Variants in PRRT1B observed in about 807,000 individuals in gnomAD.
The protein encoded by PRRT1B is dispanin subfamily D member 2.
At chr9:131,549,615 G>A (rs1011837398) in intron 1 of PRRT1B, among the ~76,000 whole-genome samples, 6 of 152,186 alleles carry the variant, frequency 3.9e-5, no homozygotes, top group Non-Finnish European at 7.4e-5. Flanking sequence ...GCTGAGCTTC[G>A]GGTAACTCTC....
exon 2 of PRRT1B, chr9:131,554,871 G>A (rs1429658081): frequency 2.6e-6 from 1 of 379,124 alleles, no homozygotes; most frequent in Non-Finnish European, 4.7e-6. Flanking sequence ...GGACCCCAAG[G>A]CCGCGCCGCT....
At chr9:131,550,818 T>G (rs1050001542) in intron 1 of PRRT1B, among the ~76,000 whole-genome samples, 1 of 152,152 alleles carries the variant, frequency 6.6e-6, no homozygotes, top group Non-Finnish European at 1.5e-5. Context: ...ATGCTGAACC[T>G]CCTTGGGCAC....
intron 1 of PRRT1B, among the ~76,000 whole-genome samples, chr9:131,550,452 C>T (rs1414219976): frequency 6.6e-6 from 1 of 152,164 alleles, no homozygotes; most frequent in Non-Finnish European, 1.5e-5. Flanking sequence ...ACAGACAGCC[C>T]CCATTACTTC....
intron 1 of PRRT1B, among the ~76,000 whole-genome samples, chr9:131,549,601 G>A (rs1039951433): frequency 2.0e-5 from 3 of 152,098 alleles, no homozygotes; most frequent in Non-Finnish European, 4.4e-5. Flanking sequence ...AGACCATCAC[G>A]GATGCTGAGC....
At chr9:131,547,586 C>T (rs1172112542) in intron 1 of PRRT1B, among the ~76,000 whole-genome samples, 1 of 152,216 alleles carries the variant, frequency 6.6e-6, no homozygotes. Context: ...TCACACAAAG[C>T]CTGTTTGGTG....
At chr9:131,548,230 T>C (rs1315532713) in intron 1 of PRRT1B, among the ~76,000 whole-genome samples, 1 of 151,764 alleles carries the variant, frequency 6.6e-6, no homozygotes, top group African/African-American at 2.4e-5. Context: ...TTCTCCACTT[T>C]CCTGGGGGGC....
downstream of PRRT1B, among the ~76,000 whole-genome samples, chr9:131,559,012 C>T (rs1951068514): frequency 2.0e-5 from 3 of 152,316 alleles, no homozygotes; most frequent in Middle Eastern, 3.4e-3. Flanking sequence ...TGAGGACCGC[C>T]CTGACTGGGG....
chr9:131,556,287 C>T (rs978749350), intron 3 of PRRT1B, 74 bp downstream of exon 3: 5 of 399,620 alleles, frequency 1.3e-5, no homozygotes, highest in Non-Finnish European at 2.2e-5. Flanking sequence ...GTCCACAGAG[C>T]CCCTCTTCCA....
At chr9:131,557,828 C>T (rs942769664) in intron 3 of PRRT1B, among the ~76,000 whole-genome samples, 5 of 152,264 alleles carry the variant, frequency 3.3e-5, no homozygotes, top group African/African-American at 1.2e-4. Flanking sequence ...GAGGTTGAAG[C>T]TGAGGGCAAC....
intron 1 of PRRT1B, among the ~76,000 whole-genome samples, chr9:131,547,065 C>CTTT (rs549825970): frequency 0.047 from 4,674 of 100,190 alleles, 572 homozygotes; most frequent in African/African-American, 0.12. Flanking sequence ...CTCCTGTTCG[C>CTTT]TTTTTTTTTT....
intron 1 of PRRT1B, among the ~76,000 whole-genome samples, chr9:131,548,426 G>A (rs540731729): frequency 3.3e-5 from 5 of 152,056 alleles, no homozygotes; most frequent in Non-Finnish European, 5.9e-5. Context: ...CTGCAACACC[G>A]CTTGACCCCA....
chr9:131,554,818 C>G, exon 2 of PRRT1B: 1 of 362,482 alleles, frequency 2.8e-6, no homozygotes, highest in Non-Finnish European at 4.9e-6. Context: ...GGCGGCGCCC[C>G]CCACATCGGC....
intron 3 of PRRT1B, among the ~76,000 whole-genome samples, chr9:131,556,461 C>T (rs965590321): frequency 1.7e-4 from 26 of 152,318 alleles, no homozygotes; most frequent in African/African-American, 6.0e-4. Context: ...CTGTGAATGA[C>T]TGATAAGACC....
intron 1 of PRRT1B, among the ~76,000 whole-genome samples, chr9:131,545,865 G>A (rs1254524490): frequency 1.3e-5 from 2 of 152,178 alleles, no homozygotes; most frequent in East Asian, 1.9e-4. Context: ...GGGGTTTAGC[G>A]GGTAGATAAC....
chr9:131,558,102 C>G (rs556125062), exon 4 of PRRT1B: 4 of 400,684 alleles, frequency 1.0e-5, no homozygotes, highest in Non-Finnish European at 1.8e-5. Flanking sequence ...GAGGAGGCCT[C>G]GCGGAAGGCC....
At chr9:131,555,050 G>C in intron 2 of PRRT1B, 21 bp downstream of exon 2, 1 of 390,750 alleles carries the variant, frequency 2.6e-6, no homozygotes, top group East Asian at 3.6e-5. Context: ...GCCGCCCTGG[G>C]CGCGCTCCCC....
intron 1 of PRRT1B, among the ~76,000 whole-genome samples, chr9:131,552,257 T>C (rs191015345): frequency 1.1e-3 from 162 of 152,342 alleles, no homozygotes; most frequent in African/African-American, 3.7e-3. Context: ...CACAGCTCAC[T>C]GCCCCCTCCT....
chr9:131,547,730 C>T (rs1204372802), intron 1 of PRRT1B, among the ~76,000 whole-genome samples: 1 of 152,168 alleles, frequency 6.6e-6, no homozygotes, highest in Non-Finnish European at 1.5e-5. Flanking sequence ...GGTCCTCAGA[C>T]CAACCAGCCC....
intron 1 of PRRT1B, among the ~76,000 whole-genome samples, chr9:131,553,023 C>T (rs1951022255): frequency 6.6e-6 from 1 of 152,050 alleles, no homozygotes; most frequent in Non-Finnish European, 1.5e-5. Context: ...AACCTCCCTG[C>T]TTTTGTTTGT....
Sources: gnomAD v4.1 joint callset for allele counts (sites outside exome capture counted in the v4.1 genomes callset) on GRCh38, gnomAD v4.1.1 for gene constraint, MANE v1.5 for transcripts, NCBI Gene and HGNC (gene_info 2026-07-23, HGNC 2026-07-21) for gene names.